Variants in WWOX observed in about 807,000 individuals in gnomAD.
WWOX encodes the protein WW domain containing oxidoreductase.
Under a neutral mutation model 46.2 loss-of-function variants are expected in WWOX, and 69 were observed. That is an observed-to-expected ratio of 1.49 (90% CI 1.23 to 1.82). The LOEUF is 1.82. WWOX is among the 40% of genes most tolerant of loss of function. The pLI is 0.00. For synonymous variants in WWOX, 359 were observed against 202.6 expected, an observed-to-expected ratio of 1.77 and a Z score of -6.56; for missense variants, 919 against 542.6, an observed-to-expected ratio of 1.69 and a Z score of -6.89.
At chr16:78,433,186 AAC>A (rs1491054224) in intron 8 of WWOX, among the ~76,000 whole-genome samples, 1 of 152,162 alleles carries the variant, frequency 6.6e-6, no homozygotes, top group African/African-American at 2.4e-5. Context: ...TTCACAGAAA[AAC>A]TGTATCTTTT....
chr16:79,185,426 A>G (rs372047604), intron 8 of WWOX, among the ~76,000 whole-genome samples: 6 of 152,354 alleles, frequency 3.9e-5, no homozygotes, highest in Admixed American at 2.6e-4. Context: ...CATATTTTCT[A>G]ACTGGGAGAC....
chr16:78,699,358 G>A (rs1323303039), intron 8 of WWOX, among the ~76,000 whole-genome samples: 1 of 144,474 alleles, frequency 6.9e-6, no homozygotes, highest in African/African-American at 2.8e-5. Flanking sequence ...GTGAAGCCGT[G>A]TTTCTACAAA....
intron 8 of WWOX, among the ~76,000 whole-genome samples, chr16:78,546,325 G>T (rs1490847292): frequency 6.6e-6 from 1 of 152,104 alleles, no homozygotes; most frequent in African/African-American, 2.4e-5. Flanking sequence ...CCAGGAGGTA[G>T]AGAAAACAGT....
chr16:79,110,330 C>T (rs1394619415), intron 8 of WWOX, among the ~76,000 whole-genome samples: 5 of 152,096 alleles, frequency 3.3e-5, no homozygotes, highest in African/African-American at 1.2e-4. Context: ...CCGACATGCC[C>T]CTGCCAACCT....
chr16:78,495,367 T>G (rs983050899), intron 8 of WWOX, among the ~76,000 whole-genome samples: 3 of 151,380 alleles, frequency 2.0e-5, no homozygotes, highest in Non-Finnish European at 4.4e-5. Context: ...TCTCGAACTC[T>G]TGACCTCAGG....
chr16:78,792,250 C>G (rs2050623560), intron 8 of WWOX, among the ~76,000 whole-genome samples: 3 of 152,200 alleles, frequency 2.0e-5, no homozygotes, highest in Admixed American at 2.0e-4. Context: ...TCTCACGAGT[C>G]TGGCAATGGG....
At chr16:78,880,281 T>C (rs1016239519) in intron 8 of WWOX, among the ~76,000 whole-genome samples, 4 of 152,248 alleles carry the variant, frequency 2.6e-5, no homozygotes, top group Admixed American at 6.5e-5. Flanking sequence ...GGCTATTTTT[T>C]ATTTTATTTT....
intron 5 of WWOX, among the ~76,000 whole-genome samples, chr16:78,274,286 G>A (rs999735851): frequency 1.3e-5 from 2 of 152,114 alleles, no homozygotes; most frequent in African/African-American, 4.8e-5. Context: ...GATTCCATCT[G>A]ACAAGAATGA....
intron 5 of WWOX, among the ~76,000 whole-genome samples, chr16:78,359,971 T>C (rs547493242): frequency 6.6e-6 from 1 of 152,264 alleles, no homozygotes; most frequent in African/African-American, 2.4e-5. Context: ...ATTCAATCAT[T>C]AGAAAATAAT....
At chr16:79,134,717 T>G (rs1238796228) in intron 8 of WWOX, among the ~76,000 whole-genome samples, 1 of 152,180 alleles carries the variant, frequency 6.6e-6, no homozygotes, top group African/African-American at 2.4e-5. Context: ...GACTTGGGGC[T>G]CAGAGAAATG....
intron 8 of WWOX, among the ~76,000 whole-genome samples, chr16:78,484,695 T>C (rs547742061): frequency 3.0e-4 from 45 of 152,278 alleles, no homozygotes; most frequent in Admixed American, 1.7e-3. Context: ...TTGCTAATTT[T>C]ACTTTTCCTA....
rs68089672 is a variant in WWOX, at chr16:78,845,133, CTT to C, written c.1057-366461_1057-366460del. The stretch of plus-strand genomic sequence containing the variant: ...TCATGCACTTTTTTTATCTTGCTGT[CTT>C]TTTTTTTTTTTTTAATCAAATACCA... On this transcript the variant is annotated intron_variant, in intron 8 of 8. Coordinates refer to ENST00000566780, the MANE Select transcript of WWOX (RefSeq NM_016373.4). Among the ~76,000 whole-genome samples the C allele has an allele frequency of 2.2e-3, 301 of 134,230 alleles. 5 individuals are homozygous for C. Among genetic ancestry groups the C allele is most frequent in the Non-Finnish European group, 1.4e-3 (86 of 62,654 alleles). 88.1% of individuals were successfully genotyped at this position (134,230 alleles called of 152,430 possible). A position where few individuals can be genotyped will look rare whatever the true frequency, so the allele number is the denominator to read the frequency against.
intron 8 of WWOX, among the ~76,000 whole-genome samples, chr16:79,022,798 A>G (rs571922718): frequency 1.3e-5 from 2 of 152,346 alleles, no homozygotes; most frequent in East Asian, 3.9e-4. Context: ...AGAAGCACCC[A>G]GGGATGATGG....
chr16:78,568,680 G>T (rs1025192934), intron 8 of WWOX, among the ~76,000 whole-genome samples: 37 of 152,056 alleles, frequency 2.4e-4, no homozygotes, highest in Admixed American at 2.6e-4. Context: ...TCGCCATGTT[G>T]GCCAGGCTGG....
chr16:78,516,528 C>T (rs2043238948), intron 8 of WWOX, among the ~76,000 whole-genome samples: 1 of 152,148 alleles, frequency 6.6e-6, no homozygotes, highest in African/African-American at 2.4e-5. Flanking sequence ...AATATCTGAA[C>T]TCAGATTTCC....
At chr16:78,742,595 G>T (rs374104720) in intron 8 of WWOX, among the ~76,000 whole-genome samples, 3 of 152,146 alleles carry the variant, frequency 2.0e-5, no homozygotes, top group Non-Finnish European at 2.9e-5. Flanking sequence ...GATCCCCAGC[G>T]CATCACGAGA....
intron 5 of WWOX, chr16:78,281,060 A>T (rs1196590017): frequency 1.3e-5 from 2 of 152,244 alleles, no homozygotes; most frequent in African/African-American, 2.4e-5. Context: ...ATAGAACGAT[A>T]TCCTTCGTTT....
chr16:78,291,456 T>C (rs945447268), intron 5 of WWOX, among the ~76,000 whole-genome samples: 1 of 152,344 alleles, frequency 6.6e-6, no homozygotes, highest in Middle Eastern at 3.4e-3. Flanking sequence ...AACTAAGTTA[T>C]GTTTCTGTCG....
intron 6 of WWOX, among the ~76,000 whole-genome samples, chr16:78,418,341 G>T (rs982358690): frequency 2.0e-4 from 30 of 151,660 alleles, no homozygotes; most frequent in African/African-American, 6.1e-4. Flanking sequence ...TCCAGCCTGG[G>T]CAGGAGACAG....
Sources: allele counts gnomAD v4.1 joint callset (sites outside exome capture counted in the v4.1 genomes callset), GRCh38; gene constraint gnomAD v4.1.1; transcripts MANE v1.5; gene names NCBI Gene and HGNC (gene_info 2026-07-23, HGNC 2026-07-21).